Variants in TRDN observed in about 807,000 individuals in gnomAD.
TRDN encodes the protein triadin in skeletal muscle.
A neutral mutation model predicts 149.7 loss-of-function variants in TRDN; 161 were observed. The ratio of observed to expected loss-of-function variants is 1.08; its 90% CI spans 0.95 to 1.23. The LOEUF (loss-of-function observed/expected upper bound fraction) is 1.23. Ranked by LOEUF, TRDN falls within the 50% of genes most tolerant of loss-of-function variation. The pLI is 0.00. For synonymous variants in TRDN, 294 were observed against 250.5 expected (o/e 1.17, Z -1.64); for missense variants, 896 against 823.5 (o/e 1.09, Z -1.08).
chr6:123,272,940 C>G, intron 29 of TRDN, 24 bp downstream of exon 29: 1 of 1,494,472 alleles, frequency 6.7e-7, no homozygotes, highest in Non-Finnish European at 9.0e-7. Context: ...TTATTTGAGA[C>G]TACAAATACC....
intron 24 of TRDN, among the ~76,000 whole-genome samples, chr6:123,281,171 A>G (rs897379201): frequency 6.6e-6 from 1 of 152,096 alleles, no homozygotes; most frequent in Non-Finnish European, 1.5e-5. Context: ...TGTTCTTAAG[A>G]TGTAAATACT....
At chr6:123,597,973 C>A (rs66908869) in intron 1 of TRDN, among the ~76,000 whole-genome samples, 5,621 of 151,954 alleles carry the variant, frequency 0.037, 142 homozygotes, top group Non-Finnish European at 0.055. Flanking sequence ...TTGAAGATGA[C>A]TTTAGTTCCT....
intron 29 of TRDN, among the ~76,000 whole-genome samples, chr6:123,272,112 T>A (rs983132200): frequency 1.3e-5 from 2 of 152,000 alleles, no homozygotes; most frequent in African/African-American, 2.4e-5. Context: ...ACAGTTTTTT[T>A]AAAAGCATAT....
intron 20 of TRDN, among the ~76,000 whole-genome samples, chr6:123,360,777 G>T (rs1780871848): frequency 6.6e-6 from 1 of 151,810 alleles, no homozygotes; most frequent in South Asian, 2.1e-4. Context: ...TCAAGGAAAA[G>T]AAGTAATTTT....
intron 1 of TRDN, among the ~76,000 whole-genome samples, chr6:123,621,921 G>C (rs1369121347): frequency 6.6e-6 from 1 of 152,150 alleles, no homozygotes; most frequent in Non-Finnish European, 1.5e-5. Context: ...CTGGGTGTTG[G>C]TTATGTGGAT....
At chr6:123,221,580 T>C (rs1775149811) in intron 39 of TRDN, 58 bp from the exon 40 acceptor site, 1 of 1,167,314 alleles carries the variant, frequency 8.6e-7, no homozygotes, top group East Asian at 2.6e-5. Flanking sequence ...TTTATATAAA[T>C]ATATATGGGA....
chr6:123,466,023 A>G (rs889501538), intron 9 of TRDN, among the ~76,000 whole-genome samples: 4 of 152,208 alleles, frequency 2.6e-5, no homozygotes, highest in Non-Finnish European at 5.9e-5. Context: ...AGCTCTGTTC[A>G]TCATATATGG....
intron 32 of TRDN, among the ~76,000 whole-genome samples, chr6:123,265,744 A>G (rs1048673432): frequency 6.8e-6 from 1 of 147,682 alleles, no homozygotes; most frequent in African/African-American, 2.5e-5. Context: ...ATTAATTTAT[A>G]CTAATAATAT....
chr6:123,464,622 G>A, intron 10 of TRDN: 3 of 1,143,038 alleles, frequency 2.6e-6, no homozygotes, highest in South Asian at 6.0e-5. Context: ...GCAAGGCATA[G>A]CCTTATCTAT....
At chr6:123,543,533 A>G (rs915030233) in intron 4 of TRDN, among the ~76,000 whole-genome samples, 1 of 152,160 alleles carries the variant, frequency 6.6e-6, no homozygotes, top group Admixed American at 6.5e-5. Flanking sequence ...TCAGAAACCT[A>G]GGAGTTACCC....
chr6:123,597,689 C>CT (rs1784099628), intron 1 of TRDN, among the ~76,000 whole-genome samples: 1 of 152,100 alleles, frequency 6.6e-6, no homozygotes, highest in Non-Finnish European at 1.5e-5. Flanking sequence ...AGGCAAGACA[C>CT]TTTACCAGCA....
At chr6:123,336,726 G>A (rs1441349169) in intron 22 of TRDN, among the ~76,000 whole-genome samples, 1 of 151,494 alleles carries the variant, frequency 6.6e-6, no homozygotes, top group Non-Finnish European at 1.5e-5. Context: ...ATATAGCACT[G>A]ATCAGTCCAC....
chr6:123,293,035 T>C (rs889723489), intron 24 of TRDN, among the ~76,000 whole-genome samples: 5 of 152,196 alleles, frequency 3.3e-5, no homozygotes, highest in Non-Finnish European at 5.9e-5. Context: ...TGATCCAGTA[T>C]GGGTGGGAAC....
intron 1 of TRDN, among the ~76,000 whole-genome samples, chr6:123,578,427 C>T (rs540005105): frequency 6.6e-6 from 1 of 152,148 alleles, no homozygotes; most frequent in South Asian, 2.1e-4. Flanking sequence ...TTCCCCATTG[C>T]TTGTTTTTGT....
At chr6:123,591,377 C>A (rs1783772990) in intron 1 of TRDN, among the ~76,000 whole-genome samples, 1 of 152,176 alleles carries the variant, frequency 6.6e-6, no homozygotes, top group South Asian at 2.1e-4. Flanking sequence ...TCCTGAGTAG[C>A]TGGGATTACA....
intron 1 of TRDN, among the ~76,000 whole-genome samples, chr6:123,636,464 A>G (rs976957066): frequency 6.6e-6 from 1 of 151,956 alleles, no homozygotes; most frequent in Non-Finnish European, 1.5e-5. Flanking sequence ...TTACATGACC[A>G]TAGCTATTTA....
intron 1 of TRDN, among the ~76,000 whole-genome samples, chr6:123,600,586 A>G (rs917126674): frequency 1.3e-5 from 2 of 152,060 alleles, no homozygotes; most frequent in Non-Finnish European, 2.9e-5. Flanking sequence ...ATCTGAGGGA[A>G]CAGAAATAGT....
chr6:123,419,697 T>C (rs2114537424), intron 12 of TRDN, among the ~76,000 whole-genome samples: 1 of 152,280 alleles, frequency 6.6e-6, no homozygotes, highest in Non-Finnish European at 1.5e-5. Context: ...TCATCCACAC[T>C]GGACATCTCT....
chr6:123,438,027 C>A, intron 12 of TRDN, 36 bp downstream of exon 12: 1 of 1,539,572 alleles, frequency 6.5e-7, no homozygotes, highest in Non-Finnish European at 8.9e-7. Flanking sequence ...ACATCCTGAA[C>A]GTAATCCATC....
Sources: allele counts gnomAD v4.1 joint callset (sites outside exome capture counted in the v4.1 genomes callset), GRCh38; gene constraint gnomAD v4.1.1; transcripts MANE v1.5; gene names NCBI Gene and HGNC (gene_info 2026-07-23, HGNC 2026-07-21).